Variants in TMEM184A observed in about 807,000 individuals in gnomAD.
TMEM184A encodes transmembrane protein 184A.
A neutral mutation model predicts 39.5 loss-of-function variants in TMEM184A; 40 were observed. The ratio of observed to expected loss-of-function variants is 1.01; its 90% CI spans 0.79 to 1.32. TMEM184A has a LOEUF of 1.32. Ranked by LOEUF, TMEM184A falls within the 40% of genes most tolerant of loss-of-function variation. The pLI is 0.00. For missense variants in TMEM184A, 603 were observed against 568.8 expected (o/e 1.06, Z -0.61); for synonymous variants, 280 against 252.3 (o/e 1.11, Z -1.04).
chr7:1,547,039 G>C lies in TMEM184A; in HGVS notation c.1155C>G (p.Pro385=), dbSNP rs567669465. 2 of 1,606,778 alleles carry C rather than the reference G, an allele frequency of 1.2e-6. No individual in the cohort carries two copies. Among genetic ancestry groups the C allele is most frequent in the African/African-American group, 1.3e-5 (1 of 74,980 alleles). Residue 385 remains proline, a synonymous_variant, in exon 9 of 9, where the codon CCC becomes CCG. Coordinates refer to ENST00000297477, the MANE Select transcript of TMEM184A (RefSeq NM_001097620.2). The stretch of plus-strand genomic sequence containing the variant: ...CGGAGCCGCCGCTGGGGTGGGTGCC[G>C]GGCCTGGGCGCCTCGTGCGTGGCCT... The part of the protein sequence containing the change: ...TQQATHEAPR[P]GTHPSGGSGG...
chr7:1,549,890 A>G lies in TMEM184A; in HGVS notation c.608T>C (p.Leu203Pro), dbSNP rs781524248. The G allele has an allele frequency of 3.7e-6, 6 of 1,611,664 alleles. No homozygotes were observed. The South Asian group carries it at 6.6e-5, about 18-fold the overall frequency. The change falls in exon 6 of 9, where the codon CTC (leucine) becomes CCC (proline). Residue 203 changes from leucine to proline, a missense_variant. By Grantham distance (98) the Leu-to-Pro change is moderately conservative. Transcript: ENST00000297477. ...GTCGTGGTATTTGCCAAATGCCTGG[A>G]GGATGATGGTGGTGACGGCCATGAC... Reference protein sequence around the residue: ...KPVMAVTTIILQAFGKYHDGD... With the variant: ...KPVMAVTTIIPQAFGKYHDGD...
In TMEM184A at chr7:1,549,899, G is replaced by C. The variant is rs549949453; in HGVS notation, c.599C>G (p.Thr200Ser). ...TTTGCCAAATGCCTGGAGGATGATGGTGGTGACGGCCATGACGGGCTTCAC... is the reference window on the plus strand; with the variant it reads ...TTTGCCAAATGCCTGGAGGATGATGCTGGTGACGGCCATGACGGGCTTCAC... ...CLVKPVMAVT[T>S]IILQAFGKYH... Residue 200 changes from threonine (T) to serine (S), a missense_variant, in exon 6 of 9, where the codon ACC (threonine) becomes AGC (serine). Thr to Ser is a moderately conservative substitution (Grantham distance 58). Coordinates refer to ENST00000297477, the MANE Select transcript of TMEM184A (RefSeq NM_001097620.2). 6 of 1,612,354 alleles carry C rather than the reference G, an allele frequency of 3.7e-6. No homozygotes were observed. The African/African-American group carries it at 6.7e-5, about 18-fold the overall frequency.
Position 1,546,655 on chromosome 7 carries a change from C to T in TMEM184A, c.*297G>A, listed in dbSNP as rs536776851. On this transcript the variant is annotated 3_prime_UTR_variant, in exon 9 of 9. Transcript: ENST00000297477. ...AGGCCCCGCAGCCACACTCACTCTC[C>T]GCCCCACAGTGGCTCCTGGGGCTGA... 1.9e-4 allele frequency: 71 copies of T among 366,186 alleles called. 2 individuals carry two copies. In the South Asian group the frequency reaches 3.0e-3, roughly 16 times the overall value. The allele number at this position is 366,186 out of a possible 1,614,324, so 22.7% of individuals were successfully genotyped here.
At chr7:1,551,890 T>C (rs1784614788) in intron 2 of TMEM184A, among the ~76,000 whole-genome samples, 2 of 151,960 alleles carry the variant, frequency 1.3e-5, no homozygotes, top group African/African-American at 4.8e-5. Context: ...TGAACCAAGA[T>C]TGCGCCACTG....
At chr7:1,551,235 A>T (rs1784583149) in intron 2 of TMEM184A, among the ~76,000 whole-genome samples, 1 of 127,960 alleles carries the variant, frequency 7.8e-6, no homozygotes, top group Non-Finnish European at 1.6e-5. Context: ...GTACCCCTGC[A>T]CCAGCCCAGG....
chr7:1,550,527 G>C lies in TMEM184A; in HGVS notation c.386-132C>G, dbSNP rs368008795. On this transcript the variant is annotated intron_variant, in intron 3 of 8. Transcript: ENST00000297477. ...GCAGGCCACACAGCAAGAGGCTCCT[G>C]ATGGACCCCATCCCCAGCGGGGCAG... 16 of 788,796 alleles carry C rather than the reference G, an allele frequency of 2.0e-5. No individual in the cohort carries two copies. In the East Asian group the frequency reaches 2.1e-4, roughly 11 times the overall value. 48.9% of individuals were successfully genotyped at this position (788,796 alleles called of 1,614,324 possible).
intron 2 of TMEM184A, among the ~76,000 whole-genome samples, chr7:1,552,245 T>C (rs997906086): frequency 4.6e-5 from 7 of 152,160 alleles, no homozygotes; most frequent in African/African-American, 1.7e-4. Flanking sequence ...CCCAAAGTGC[T>C]GGGACTATAG....
At chr7:1,550,708 C>T (rs1583219689) in intron 3 of TMEM184A, 109 bp downstream of exon 3, 2 of 1,398,426 alleles carry the variant, frequency 1.4e-6, no homozygotes, top group Non-Finnish European at 2.0e-6. Flanking sequence ...CTCTGACGGG[C>T]CGGGAGAGTG....
chr7:1,549,020 C>T (rs1174545832), intron 6 of TMEM184A: 3 of 533,380 alleles, frequency 5.6e-6, no homozygotes, highest in East Asian at 4.7e-5. Context: ...CCCCGTCCAC[C>T]TGGCCACTGC....
chr7:1,547,330 A>C (rs1784390925), intron 8 of TMEM184A, 149 bp from the exon 9 acceptor site: 2 of 611,508 alleles, frequency 3.3e-6, no homozygotes, highest in South Asian at 4.0e-5. Flanking sequence ...CCTGGACCCC[A>C]GCCCAGCTTG....
In TMEM184A at chr7:1,544,195, G is replaced by A. The variant is rs1784271068; in HGVS notation, c.*2757C>T. The A allele has an allele frequency of 6.6e-6, 1 of 152,250 alleles. No homozygotes were observed. The highest frequency in any genetic ancestry group is 1.5e-5 in the Non-Finnish European group (1 of 68,058). 9.4% of individuals were successfully genotyped at this position (152,250 alleles called of 1,614,324 possible). ...GCTCCTCCTGGGGGAGCCGACGGGT[G>A]TGAGTTGGGGGCACAGAGCCCCAGC... On this transcript the variant is annotated 3_prime_UTR_variant, in exon 9 of 9. Coordinates refer to ENST00000297477, the MANE Select transcript of TMEM184A (RefSeq NM_001097620.2).
intron 2 of TMEM184A, among the ~76,000 whole-genome samples, chr7:1,553,721 G>C (rs572803861): frequency 7.9e-5 from 12 of 152,260 alleles, no homozygotes; most frequent in African/African-American, 2.4e-4. Context: ...CAGCCATCAG[G>C]AGACCTCTCC....
In TMEM184A at chr7:1,554,410, T is replaced by C. The variant is rs1315880747; in HGVS notation, c.219+856A>G. On this transcript the variant is annotated intron_variant, in intron 2 of 8. Transcript: ENST00000297477. Reference sequence around the variant, plus strand: ...GCCCTCAGCCCAGCCCTCCACAGCCTTCCTGGGCTCCCAGCACCCCCTGAA... The same window carrying C: ...GCCCTCAGCCCAGCCCTCCACAGCCCTCCTGGGCTCCCAGCACCCCCTGAA... Among the ~76,000 whole-genome samples, 3 of 152,016 alleles carry C rather than the reference T, an allele frequency of 2.0e-5. No homozygotes were observed. The East Asian group carries it at 5.8e-4, about 29-fold the overall frequency.
rs563492057 is a variant in TMEM184A at position 1,548,829 on chromosome 7, C to A, written c.645-141G>T. On this transcript the variant is annotated intron_variant, in intron 6 of 8. Coordinates refer to ENST00000297477, the MANE Select transcript of TMEM184A (RefSeq NM_001097620.2). ...GGCCCTGCAGGGATCCTGCCCCGAT[C>A]TGATCCTCACTCCAGGGCCTGCAGG... The A allele has an allele frequency of 4.0e-6, 4 of 997,514 alleles. No homozygotes were observed. In the South Asian group the frequency reaches 5.7e-5, roughly 14 times the overall value. 61.8% of individuals were successfully genotyped at this position (997,514 alleles called of 1,614,324 possible).
Position 1,547,755 on chromosome 7 carries a change from C to T in TMEM184A, c.999G>A (p.Lys333=), listed in dbSNP as rs757048051. The change falls in exon 8 of 9, where the codon AAG becomes AAA. Residue 333 remains lysine (K), a synonymous_variant. Transcript: ENST00000297477. The part of the protein sequence containing the change: ...AFPCQVYAEK[K]ENSPAPPAPM... ...GGCAGGGTGTACCTGGTGAATTCTC[C>T]TTCTTCTCTGCGTACACCTGGCAGG... 1 of 1,612,348 alleles carries T rather than the reference C, an allele frequency of 6.2e-7. No individual in the cohort carries two copies. Among genetic ancestry groups the T allele is most frequent in the African/African-American group, 1.3e-5 (1 of 75,022 alleles).
rs1014670013 is a variant in TMEM184A at position 1,555,048 on chromosome 7, G to A, written c.219+218C>T. On this transcript the variant is annotated intron_variant, in intron 2 of 8. Coordinates refer to ENST00000297477, the MANE Select transcript of TMEM184A (RefSeq NM_001097620.2). The surrounding 1 kb of genome is among the most constrained non-coding windows in gnomAD (Gnocchi z 5.2). ...CCTGTGAAATAGCCAGGGGTGCCCG[G>A]TGGGCGCTCTGCCCTCAGCCTGGCA... 6.6e-6 allele frequency among the ~76,000 whole-genome samples: 1 copy of A among 152,140 alleles called. No individual in the cohort carries two copies. Among genetic ancestry groups the A allele is most frequent in the African/African-American group, 2.4e-5 (1 of 41,444 alleles).
In TMEM184A at chr7:1,550,287, C is replaced by T. The variant is rs765503619; in HGVS notation, c.476+18G>A. 76 of 1,611,776 alleles carry T rather than the reference C, an allele frequency of 4.7e-5. No homozygotes were observed. Among genetic ancestry groups the T allele is most frequent in the Non-Finnish European group, 6.2e-5 (73 of 1,179,238 alleles). ...CCCAGGTGTGTGGGGTGTGGGGGCT[C>T]TGGGGTGACGGGCTTACTTGATGGG... On this transcript the variant is annotated intron_variant, in intron 4 of 8. Coordinates refer to ENST00000297477, the MANE Select transcript of TMEM184A (RefSeq NM_001097620.2).
At chr7:1,552,858 C>G (rs374661641) in intron 2 of TMEM184A, among the ~76,000 whole-genome samples, 4 of 152,124 alleles carry the variant, frequency 2.6e-5, no homozygotes, top group African/African-American at 9.7e-5. Context: ...AGTTCGAGAC[C>G]GGCCTGGTCA....
chr7:1,548,642 C>T lies in TMEM184A; in HGVS notation c.691G>A (p.Val231Ile), dbSNP rs774036094. The T allele has an allele frequency of 1.6e-5, 26 of 1,613,748 alleles. No homozygotes were observed. The highest frequency in any genetic ancestry group is 1.3e-4 in the Admixed American group (8 of 60,000). Residue 231 changes from valine to isoleucine, a missense_variant, in exon 7 of 9, where the codon GTC becomes ATC. By Grantham distance (29) the Val-to-Ile change is conservative (BLOSUM62 3). Coordinates refer to ENST00000297477, the MANE Select transcript of TMEM184A (RefSeq NM_001097620.2). ...AACAGGGCGTAGAGGGCGAGGCTGA[C>T]GGAGGCGTTGTAGATGAGGGTCACA... ...LYVTLIYNAS[V>I]SLALYALFLF...
Sources: gnomAD v4.1 joint callset for allele counts (sites outside exome capture counted in the v4.1 genomes callset) on GRCh38, gnomAD v4.1.1 for gene constraint, Gnocchi (gnomAD v3.1) non-coding constraint, MANE v1.5 for transcripts, NCBI Gene and HGNC (gene_info 2026-07-23, HGNC 2026-07-21) for gene names.